GABARAPL1: variants seen among roughly 807,000 people sequenced by gnomAD.
GABARAPL1 encodes gamma-aminobutyric acid receptor-associated protein-like 1.
In GABARAPL1, 4 loss-of-function variants were observed where a neutral mutation model predicts 14.5. The ratio of observed to expected loss-of-function variants is 0.28; its 90% CI spans 0.14 to 0.63. The LOEUF (loss-of-function observed/expected upper bound fraction) is 0.63. Among genes scored for constraint, GABARAPL1 ranks in the 30% least tolerant of loss-of-function variants. The probability of loss-of-function intolerance (pLI) is 0.84; values close to 1 mark genes in which losing one functional copy is unlikely to be tolerated. For missense variants in GABARAPL1, 82 were observed against 139.2 expected, an observed-to-expected ratio of 0.59 and a Z score of 2.07; for synonymous variants, 47 against 50.6, an observed-to-expected ratio of 0.93 and a Z score of 0.30.
chr12:10,220,784 CTA>C, intron 3 of GABARAPL1: 7 of 1,471,744 alleles, frequency 4.8e-6, no homozygotes, highest in Non-Finnish European at 6.3e-6. Flanking sequence ...TCTTGTCTGA[CTA>C]TAGTCTTGTC....
intron 1 of GABARAPL1, among the ~76,000 whole-genome samples, chr12:10,217,311 T>G (rs1281246762): frequency 6.6e-6 from 1 of 152,242 alleles, no homozygotes; most frequent in Non-Finnish European, 1.5e-5. Context: ...TTACAGTTCT[T>G]GGAAATTTTG....
At chr12:10,214,393 T>C (rs914483028) in intron 1 of GABARAPL1, 1 of 152,446 alleles carries the variant, frequency 6.6e-6, no homozygotes, top group Non-Finnish European at 1.5e-5. Context: ...AAAAAGTCAT[T>C]AGGGCTCTTC....
At chr12:10,219,682 C>T (rs1949110173) in intron 2 of GABARAPL1, among the ~76,000 whole-genome samples, 1 of 152,104 alleles carries the variant, frequency 6.6e-6, no homozygotes, top group Admixed American at 6.5e-5. Flanking sequence ...TGCCTGTAAT[C>T]CCAGCTACTC....
rs1949126597 is a variant in GABARAPL1 at position 10,222,780 on chromosome 12, CCATGCTGCTGTCCCTTCAGGCTCA to C, written c.*934_*957del. 1 of 152,262 alleles carries C rather than the reference CCATGCTGCTGTCCCTTCAGGCTCA, an allele frequency of 6.6e-6. No individual in the cohort carries two copies. 9.4% of individuals were successfully genotyped at this position (152,262 alleles called of 1,614,324 possible). The stretch of plus-strand genomic sequence containing the variant: ...CTACTCTCATTCAGGATTCTTGCTC[CCATGCTGCTGTCCCTTCAGGCTCA>C]CATGCACAGGAATGCTACATGATGG... On this transcript the variant is annotated 3_prime_UTR_variant, in exon 4 of 4. Transcript: ENST00000266458.
intron 1 of GABARAPL1, chr12:10,213,620 G>A (rs1376162649): frequency 5.8e-6 from 2 of 345,712 alleles, no homozygotes; most frequent in Non-Finnish European, 1.1e-5. Flanking sequence ...GCTGTGCGGT[G>A]AGGTTTGCGC....
intron 3 of GABARAPL1, chr12:10,220,799 A>T (rs1182393245): frequency 6.9e-7 from 1 of 1,451,904 alleles, no homozygotes; most frequent in African/African-American, 1.4e-5. Flanking sequence ...GTCTTGTCTG[A>T]CTATAGTGTT....
At chr12:10,221,181 T>A in intron 3 of GABARAPL1, 1 of 975,650 alleles carries the variant, frequency 1.0e-6, no homozygotes, top group Non-Finnish European at 1.2e-6. Flanking sequence ...ATGAATCAGA[T>A]AAAATGAAAT....
chr12:10,216,711 T>C lies in GABARAPL1; in HGVS notation c.91-1352T>C, dbSNP rs1358566069. Among the ~76,000 whole-genome samples, 4 of 152,046 alleles carry C rather than the reference T, an allele frequency of 2.6e-5. No homozygotes were observed. The East Asian group carries it at 7.8e-4, about 30-fold the overall frequency. ...ATGCATCACAATGCCTGGCTAATTTTGTATTTTTAGTAGAGATGGGGTTTC... is the reference window on the plus strand; with the variant it reads ...ATGCATCACAATGCCTGGCTAATTTCGTATTTTTAGTAGAGATGGGGTTTC... On this transcript the variant is annotated intron_variant, in intron 1 of 3. Coordinates refer to ENST00000266458, the MANE Select transcript of GABARAPL1 (RefSeq NM_031412.4).
intron 1 of GABARAPL1, chr12:10,213,696 T>C (rs78718121): frequency 0.018 from 6,301 of 353,286 alleles, 354 homozygotes; most frequent in African/African-American, 0.13. Context: ...TCTCATATCA[T>C]TGGTCTTGGG....
At chr12:10,215,352 G>C (rs771328289) in intron 1 of GABARAPL1, among the ~76,000 whole-genome samples, 1 of 152,192 alleles carries the variant, frequency 6.6e-6, no homozygotes, top group Non-Finnish European at 1.5e-5. Flanking sequence ...CAGAGAGGAA[G>C]GGTTGGTGGG....
Position 10,222,125 on chromosome 12 carries a change from C to T in GABARAPL1, c.*273C>T. The T allele has an allele frequency of 2.2e-6, 1 of 445,262 alleles. No homozygotes were observed. 27.6% of individuals were successfully genotyped at this position (445,262 alleles called of 1,614,324 possible). A position where few individuals can be genotyped will look rare whatever the true frequency, so the allele number is the denominator to read the frequency against. The stretch of plus-strand genomic sequence containing the variant: ...GGGATGATGTAAGTTTACAGTATTC[C>T]TGGGGTTTAATTGTTGTGCAGTTTC... On this transcript the variant is annotated 3_prime_UTR_variant, in exon 4 of 4. Coordinates refer to ENST00000266458, the MANE Select transcript of GABARAPL1 (RefSeq NM_031412.4).
intron 1 of GABARAPL1, among the ~76,000 whole-genome samples, chr12:10,215,254 G>T (rs181173394): frequency 1.3e-5 from 2 of 152,150 alleles, no homozygotes; most frequent in Admixed American, 1.3e-4. Flanking sequence ...AAGCAATGGC[G>T]TACCCTGACT....
chr12:10,221,248 G>A lies in GABARAPL1; in HGVS notation c.289-539G>A, dbSNP rs1320463106. Reference sequence around the variant, plus strand: ...CATGTCTTAACAGATAAACTCAGGAGGAATAATTTTTATGTGATGTGGTTT... The same window carrying A: ...CATGTCTTAACAGATAAACTCAGGAAGAATAATTTTTATGTGATGTGGTTT... On this transcript the variant is annotated intron_variant, in intron 3 of 3. Coordinates refer to ENST00000266458, the MANE Select transcript of GABARAPL1 (RefSeq NM_031412.4). The A allele has an allele frequency of 7.4e-5, 72 of 976,658 alleles. 1 individual carries two copies. Among genetic ancestry groups the A allele is most frequent in the Admixed American group, 1.2e-4 (2 of 16,248 alleles). The allele number at this position is 976,658 out of a possible 1,614,324, so 60.5% of individuals were successfully genotyped here.
intron 2 of GABARAPL1, among the ~76,000 whole-genome samples, chr12:10,220,131 C>A (rs1175531921): frequency 6.6e-6 from 1 of 152,098 alleles, no homozygotes; most frequent in African/African-American, 2.4e-5. Context: ...GGTCTGGATG[C>A]ACATGGTATT....
chr12:10,213,204 T>C lies in GABARAPL1; in HGVS notation c.75T>C (p.Tyr25=), dbSNP rs1361526640. ...KKEGEKIRKK[Y]PDRVPVIVEK... The stretch of plus-strand genomic sequence containing the variant: ...AAGGAGAAAAGATCCGGAAGAAATA[T>C]CCGGACAGGGTCCCCGTGAGTGTAG... The change falls in exon 1 of 4, where the codon TAT becomes TAC. Residue 25 remains tyrosine, a synonymous_variant. Transcript: ENST00000266458. The C allele has an allele frequency of 1.3e-6, 2 of 1,526,160 alleles. No individual in the cohort carries two copies. Among genetic ancestry groups the C allele is most frequent in the Admixed American group, 3.9e-5 (2 of 51,508 alleles). 94.5% of individuals were successfully genotyped at this position (1,526,160 alleles called of 1,614,324 possible).
At chr12:10,220,675 T>A (rs1949116079) in intron 3 of GABARAPL1, 117 bp downstream of exon 3, 29 of 1,558,620 alleles carry the variant, frequency 1.9e-5, no homozygotes, top group Non-Finnish European at 2.5e-5. Context: ...GTGTTATTTA[T>A]CCGGATCCTC....
At position 10,221,354 on chromosome 12, in the gene GABARAPL1, T is replaced by A. The variant is rs1259311203; in HGVS notation, c.289-433T>A. On this transcript the variant is annotated intron_variant, in intron 3 of 3. Transcript: ENST00000266458. ...AAATATAACCTGGGATTATAACTAT[T>A]GTTTTTTGCAGTATTTTGCATAAGA... 3.1e-6 allele frequency: 3 copies of A among 981,450 alleles called. No homozygotes were observed. The African/African-American group carries it at 5.2e-5, about 17-fold the overall frequency. 60.8% of individuals were successfully genotyped at this position (981,450 alleles called of 1,614,324 possible). A position where few individuals can be genotyped will look rare whatever the true frequency, so the allele number is the denominator to read the frequency against.
At chr12:10,221,297 G>A (rs867577799) in intron 3 of GABARAPL1, 7 of 970,920 alleles carry the variant, frequency 7.2e-6, no homozygotes, top group Non-Finnish European at 8.6e-6. Flanking sequence ...AGAATCTGAG[G>A]AAACTATAGT....
At chr12:10,218,725 T>A (rs1397518945) in intron 2 of GABARAPL1, among the ~76,000 whole-genome samples, 1 of 151,512 alleles carries the variant, frequency 6.6e-6, no homozygotes, top group African/African-American at 2.4e-5. Flanking sequence ...TATTATTATT[T>A]GAGATGGAGT....
Sources: gnomAD v4.1 joint callset for allele counts (sites outside exome capture counted in the v4.1 genomes callset) on GRCh38, gnomAD v4.1.1 for gene constraint, MANE v1.5 for transcripts, NCBI Gene and HGNC (gene_info 2026-07-23, HGNC 2026-07-21) for gene names.